The following PHLDB3 variants were observed in gnomAD, a reference collection of about 807,000 sequenced individuals.
PHLDB3 encodes pleckstrin homology like domain family B member 3.
A neutral mutation model predicts 85.7 loss-of-function variants in PHLDB3; 86 were observed. That is an observed-to-expected ratio of 1.00 (90% CI 0.84 to 1.20). The LOEUF is 1.20. Among genes scored for constraint, PHLDB3 ranks in the 50% most tolerant of loss-of-function variants. PHLDB3 has a pLI of 0.00. For synonymous variants in PHLDB3, 376 were observed against 349.8 expected, an observed-to-expected ratio of 1.07 and a Z score of -0.83; for missense variants, 995 against 873.0, an observed-to-expected ratio of 1.14 and a Z score of -1.76.
chr19:43,476,047 G>A (rs937072229), intron 15 of PHLDB3, among the ~76,000 whole-genome samples: 49 of 152,212 alleles, frequency 3.2e-4, no homozygotes, highest in African/African-American at 8.7e-4. Flanking sequence ...CGCCTGCTTC[G>A]GCCTCCCAGA....
chr19:43,494,902 G>T, intron 8 of PHLDB3, 87 bp from the exon 9 acceptor site: 1 of 903,826 alleles, frequency 1.1e-6, no homozygotes, highest in Non-Finnish European at 1.7e-6. Context: ...CATGCCTCTA[G>T]TGCCACCCAT....
chr19:43,504,225 C>CG, intron 1 of PHLDB3, 93 bp from the exon 2 acceptor site: 2 of 1,172,316 alleles, frequency 1.7e-6, no homozygotes, highest in South Asian at 1.6e-5. Flanking sequence ...GACCCCCCCC[C>CG]AAGGAGGCGG....
intron 9 of PHLDB3, among the ~76,000 whole-genome samples, chr19:43,493,422 G>A (rs1008699035): frequency 1.3e-5 from 2 of 152,108 alleles, no homozygotes; most frequent in South Asian, 4.1e-4. Context: ...GACCATTTGA[G>A]CCTAAGGGTT....
chr19:43,481,558 C>T (rs548188103), intron 13 of PHLDB3, among the ~76,000 whole-genome samples: 67 of 152,018 alleles, frequency 4.4e-4, no homozygotes, highest in Admixed American at 1.6e-3. Context: ...GTGGAGGTTG[C>T]GGTGAATCAA....
rs1971153823 is a variant in PHLDB3, at chr19:43,486,277, G to A, written c.1474C>T (p.Pro492Ser). The change falls in exon 13 of 16, where the codon CCT (proline) becomes TCT (serine). Residue 492 changes from proline to serine, a missense_variant. Transcript: ENST00000292140. ...GGGGTGGGACTGACCGTGATGGCAG[G>A]AACAGCAGGGCCTGAGGAACCTTCC... The part of the protein sequence containing the change: ...GTEGSSGPAV[P>S]AITAPPTPPH... 6.2e-7 allele frequency: 1 copy of A among 1,610,506 alleles called. No homozygotes were observed.
intron 1 of PHLDB3, 106 bp downstream of exon 1, chr19:43,504,483 C>T (rs1050894039): frequency 3.2e-6 from 1 of 307,978 alleles, no homozygotes; most frequent in Middle Eastern, 9.8e-4. Flanking sequence ...GACCCATCTT[C>T]TCCCTCCGAG....
At chr19:43,479,660 A>T in intron 13 of PHLDB3, 67 bp from the exon 14 acceptor site, 1 of 1,144,080 alleles carries the variant, frequency 8.7e-7, no homozygotes, top group Non-Finnish European at 1.3e-6. Flanking sequence ...GAGCCCCTCG[A>T]GGGGAGCAAG....
At chr19:43,495,374 C>T (rs776124201) in intron 7 of PHLDB3, 35 bp from the exon 8 acceptor site, 1 of 1,606,892 alleles carries the variant, frequency 6.2e-7, no homozygotes, top group South Asian at 1.1e-5. Context: ...GTGTCAAAGT[C>T]AGAATGGGCT....
At chr19:43,501,109 C>G (rs1971584166) in intron 4 of PHLDB3, among the ~76,000 whole-genome samples, 1 of 151,122 alleles carries the variant, frequency 6.6e-6, no homozygotes, top group African/African-American at 2.4e-5. Flanking sequence ...ATTGATGAAG[C>G]TGGTGGGCAC....
Position 43,495,363 on chromosome 19 carries a change from C to T in PHLDB3, c.952-24G>A, listed in dbSNP as rs771372966. ...TCCTACCAGAAGATATGGACAGCTA[C>T]GTGTCAAAGTCAGAATGGGCTGTCC... On this transcript the variant is annotated intron_variant, in intron 7 of 15. Coordinates refer to ENST00000292140, the MANE Select transcript of PHLDB3 (RefSeq NM_198850.4). The T allele has an allele frequency of 6.8e-6, 11 of 1,609,898 alleles. No individual in the cohort carries two copies. The African/African-American group carries it at 1.1e-4, about 16-fold the overall frequency.
intron 2 of PHLDB3, 82 bp downstream of exon 2, chr19:43,503,824 C>CTCTACCTG: frequency 6.5e-7 from 1 of 1,535,764 alleles, no homozygotes; most frequent in Non-Finnish European, 8.9e-7. Context: ...TCTGGTTTCC[C>CTCTACCTG]TCTACCTGTC....
At chr19:43,502,332 A>C in intron 2 of PHLDB3, 49 bp from the exon 3 acceptor site, 1 of 1,506,652 alleles carries the variant, frequency 6.6e-7, no homozygotes, top group Non-Finnish European at 8.9e-7. Flanking sequence ...GCCCCCTGCA[A>C]TCACTAAGTA....
chr19:43,503,960 C>T lies in PHLDB3; in HGVS notation c.159G>A (p.Gln53=). The change falls in exon 2 of 16, where the codon CAG becomes CAA. Residue 53 remains glutamine (Q), a synonymous_variant. Coordinates refer to ENST00000292140, the MANE Select transcript of PHLDB3 (RefSeq NM_198850.4). ...EPSSRGGAEQ[Q]AEEEEVGEGS... ...CTTCTCCCACTTCTTCTTCCTCTGC[C>T]TGCTGCTCAGCTCCCCCGCGGCTCG... The T allele has an allele frequency of 6.2e-7, 1 of 1,613,970 alleles. No individual in the cohort carries two copies. Among genetic ancestry groups the T allele is most frequent in the Non-Finnish European group, 8.5e-7 (1 of 1,179,824 alleles).
At position 43,504,021 on chromosome 19, in the gene PHLDB3, C is replaced by T. The variant is rs749424667; in HGVS notation, c.98G>A (p.Arg33Gln). 4 of 1,613,916 alleles carry T rather than the reference C, an allele frequency of 2.5e-6. No individual in the cohort carries two copies. Among genetic ancestry groups the T allele is most frequent in the Admixed American group, 3.3e-5 (2 of 60,022 alleles). ...CAGGACTTCGGATGCCTCCTGTTCC[C>T]GGGACTCCTCGGGATGGCCCTGGGG... ...VQPQGHPEES[R>Q]EQEASEVLAE... is the part of the protein sequence containing the mutation. Residue 33 changes from arginine to glutamine, a missense_variant, in exon 2 of 16, where the codon CGG becomes CAG. Coordinates refer to ENST00000292140, the MANE Select transcript of PHLDB3 (RefSeq NM_198850.4).
chr19:43,494,072 G>C (rs944529634), intron 9 of PHLDB3, among the ~76,000 whole-genome samples: 1 of 152,066 alleles, frequency 6.6e-6, no homozygotes, highest in South Asian at 2.1e-4. Context: ...TCACTCTGTC[G>C]CCTAGGCTGG....
At chr19:43,494,839 C>T (rs765590332) in intron 8 of PHLDB3, 24 bp from the exon 9 acceptor site, 42 of 1,580,088 alleles carry the variant, frequency 2.7e-5, no homozygotes, top group South Asian at 3.4e-5. Context: ...GGTGAAGTTT[C>T]GTGGGAGCAG....
In PHLDB3 at chr19:43,487,065, C is replaced by G; in HGVS notation, c.1208G>C (p.Ser403Thr). Residue 403 changes from serine to threonine, a missense_variant, in exon 10 of 16, where the codon AGC becomes ACC. Coordinates refer to ENST00000292140, the MANE Select transcript of PHLDB3 (RefSeq NM_198850.4). ...SLPRKRGERGSQRGSPRPLSF... is the reference protein window; with the variant it reads ...SLPRKRGERGTQRGSPRPLSF... Reference sequence around the variant, plus strand: ...CAGAGGTCGGGGGGATCCTCTCTGGCTCCCCCTCTCCCCCCTTTTCCGGGG... The same window carrying G: ...CAGAGGTCGGGGGGATCCTCTCTGGGTCCCCCTCTCCCCCCTTTTCCGGGG... The G allele has an allele frequency of 6.3e-7, 1 of 1,577,432 alleles. No homozygotes were observed. The highest frequency in any genetic ancestry group is 8.6e-7 in the Non-Finnish European group (1 of 1,162,562).
In PHLDB3 at chr19:43,479,585, G is replaced by A; in HGVS notation, c.1494C>T (p.Pro498=). Residue 498 remains proline, a synonymous_variant, in exon 14 of 16, where the codon CCC becomes CCT. Coordinates refer to ENST00000292140, the MANE Select transcript of PHLDB3 (RefSeq NM_198850.4). Reference sequence around the variant, plus strand: ...GCGGGCCTGGAGGGTGGGGTGGGGTGGGTGGGGCCTGGGGAGCAAAGAGAC... The same window carrying A: ...GCGGGCCTGGAGGGTGGGGTGGGGTAGGTGGGGCCTGGGGAGCAAAGAGAC... The part of the protein sequence containing the change: ...GPAVPAITAP[P]TPPHPPGPRI... 1 of 1,487,048 alleles carries A rather than the reference G, an allele frequency of 6.7e-7. No homozygotes were observed. The highest frequency in any genetic ancestry group is 9.2e-7 in the Non-Finnish European group (1 of 1,092,098). The allele number at this position is 1,487,048 out of a possible 1,614,324, so 92.1% of individuals were successfully genotyped here.
At chr19:43,490,248 T>A (rs1304864415) in intron 9 of PHLDB3, among the ~76,000 whole-genome samples, 1 of 151,784 alleles carries the variant, frequency 6.6e-6, no homozygotes, top group Non-Finnish European at 1.5e-5. Flanking sequence ...ATTTAGGGGT[T>A]AAGGGGAATC....
Sources: allele counts gnomAD v4.1 joint callset (sites outside exome capture counted in the v4.1 genomes callset), GRCh38; gene constraint gnomAD v4.1.1; transcripts MANE v1.5; gene names NCBI Gene and HGNC (gene_info 2026-07-23, HGNC 2026-07-21).